The following ATAD3B variants were observed in gnomAD, a reference collection of about 807,000 sequenced individuals.
ATAD3B encodes ATPase family AAA domain containing 3B.
ATAD3B carries 59 observed loss-of-function variants against 70.2 expected under a neutral mutation model. The ratio of observed to expected loss-of-function variants is 0.84; its 90% CI spans 0.68 to 1.04. The LOEUF is 1.04. Ranked by LOEUF, ATAD3B falls within the 50% of genes least tolerant of loss-of-function variation. The pLI is 0.00. For missense variants in ATAD3B, 961 were observed against 913.4 expected, an observed-to-expected ratio of 1.05 and a Z score of -0.67; for synonymous variants, 423 against 388.6, an observed-to-expected ratio of 1.09 and a Z score of -1.04.
At chr1:1,503,542 C>A in the ATAD3B span, 1 of 1,581,636 alleles carries the variant, frequency 6.3e-7, no homozygotes, top group African/African-American at 1.3e-5. Context: ...CAGCGGCATC[C>A]GTGTATCCTA....
At position 1,489,184 on chromosome 1, in the gene ATAD3B, C is replaced by G. The variant is rs758808424; in HGVS notation, c.1267-20C>G. ...AAGGCTTTGCTTCTGGTGCCTAAGGCTGGAACCTTCTCTCTGCAGGAGGAG... is the reference window on the plus strand; with the variant it reads ...AAGGCTTTGCTTCTGGTGCCTAAGGGTGGAACCTTCTCTCTGCAGGAGGAG... On this transcript the variant is annotated intron_variant, in intron 12 of 15. Coordinates refer to ENST00000673477, the MANE Select transcript of ATAD3B (RefSeq NM_031921.6). 1.2e-6 allele frequency: 2 copies of G among 1,613,272 alleles called. No individual in the cohort carries two copies. Among genetic ancestry groups the G allele is most frequent in the South Asian group, 1.1e-5 (1 of 91,010 alleles).
chr1:1,488,457 A>T (rs1640354431), intron 12 of ATAD3B, among the ~76,000 whole-genome samples: 1 of 152,012 alleles, frequency 6.6e-6, no homozygotes, highest in South Asian at 2.1e-4. Flanking sequence ...AAACTTCTGA[A>T]CTAAAGAAAT....
rs1640190795 is a variant in ATAD3B, at chr1:1,485,989, G to T, written c.964-121G>T. On this transcript the variant is annotated intron_variant, in intron 9 of 15. Coordinates refer to ENST00000673477, the MANE Select transcript of ATAD3B (RefSeq NM_031921.6). ...GGACTGTGCCGGGGATAGATAGGCT[G>T]CCCACGAGCTGGGCGGCTTCCTGAG... is the stretch of plus-strand genomic sequence containing the variant. 11 of 1,589,732 alleles carry T rather than the reference G, an allele frequency of 6.9e-6. No individual in the cohort carries two copies. In the Admixed American group the frequency reaches 1.4e-4, roughly 20 times the overall value.
rs1306269170 is a variant in ATAD3B at position 1,489,694 on chromosome 1, C to G, written c.1337+420C>G. The G allele has an allele frequency of 3.0e-6, 4 of 1,316,176 alleles. No homozygotes were observed. In the East Asian group the frequency reaches 1.6e-4, roughly 52 times the overall value. The allele number at this position is 1,316,176 out of a possible 1,614,324, so 81.5% of individuals were successfully genotyped here. ...CTTGGTCTCCTGGGCCCCTCCAGCC[C>G]CAGTCACGTGTCACACGGAGGATCA... is the stretch of plus-strand genomic sequence containing the variant. On this transcript the variant is annotated intron_variant, in intron 13 of 15. Coordinates refer to ENST00000673477, the MANE Select transcript of ATAD3B (RefSeq NM_031921.6).
At chr1:1,476,223 G>T (rs567862484) in intron 1 of ATAD3B, among the ~76,000 whole-genome samples, 12 of 148,186 alleles carry the variant, frequency 8.1e-5, no homozygotes, top group African/African-American at 1.5e-4. Flanking sequence ...AGCCCAGTTC[G>T]TGCCTAACCA....
At chr1:1,489,025 A>G (rs1640384962) in intron 12 of ATAD3B, among the ~76,000 whole-genome samples, 179 bp from the exon 13 acceptor site, 1 of 151,658 alleles carries the variant, frequency 6.6e-6, no homozygotes, top group Non-Finnish European at 1.5e-5. Context: ...AGCCTCCCAA[A>G]ATGCTGGGTT....
chr1:1,485,546 C>G (rs1640160748), intron 8 of ATAD3B, among the ~76,000 whole-genome samples: 2 of 152,124 alleles, frequency 1.3e-5, no homozygotes, highest in Admixed American at 6.6e-5. Flanking sequence ...CTGCTCTCCA[C>G]AGGTCACTGG....
intron 12 of ATAD3B, 95 bp downstream of exon 12, chr1:1,488,009 C>T (rs1640326554): frequency 6.5e-7 from 1 of 1,536,896 alleles, no homozygotes; most frequent in Non-Finnish European, 9.0e-7. Flanking sequence ...AGCTGGCTTG[C>T]AGTGGCGCAA....
At position 1,496,131 on chromosome 1, in the gene ATAD3B, G is replaced by A. The variant is rs564210238; in HGVS notation, c.*314G>A. 9.7e-6 allele frequency: 11 copies of A among 1,129,676 alleles called. No individual in the cohort carries two copies. In the Admixed American group the frequency reaches 4.8e-4, roughly 49 times the overall value. 70.0% of individuals were successfully genotyped at this position (1,129,676 alleles called of 1,614,324 possible). A position where few individuals can be genotyped will look rare whatever the true frequency, so the allele number is the denominator to read the frequency against. Reference sequence around the variant, plus strand: ...CGGCAGGGGTGTCTGAGGCCGCCCTGTCAGCTGGCCGGTCCAAGCCTGTGG... The same window carrying A: ...CGGCAGGGGTGTCTGAGGCCGCCCTATCAGCTGGCCGGTCCAAGCCTGTGG... On this transcript the variant is annotated 3_prime_UTR_variant, in exon 16 of 16. Coordinates refer to ENST00000673477, the MANE Select transcript of ATAD3B (RefSeq NM_031921.6).
In ATAD3B at chr1:1,497,621, CT is replaced by C. The variant is rs1163176746; in HGVS notation, c.*1807del. On this transcript the variant is annotated 3_prime_UTR_variant, in exon 16 of 16. Coordinates refer to ENST00000673477, the MANE Select transcript of ATAD3B (RefSeq NM_031921.6). ...GTGGCTCACGCCTGTAATCCCAGCA[CT>C]TTGGGAGGCCAAGGCGGGTGAATCA... 6.6e-6 allele frequency: 1 copy of C among 151,892 alleles called. No individual in the cohort carries two copies. The highest frequency in any genetic ancestry group is 1.9e-4 in the East Asian group (1 of 5,184). The allele number at this position is 151,892 out of a possible 1,614,324, so 9.4% of individuals were successfully genotyped here. A position where few individuals can be genotyped will look rare whatever the true frequency, so the allele number is the denominator to read the frequency against.
At chr1:1,477,004 G>A (rs1209784849) in intron 1 of ATAD3B, among the ~76,000 whole-genome samples, 4 of 151,804 alleles carry the variant, frequency 2.6e-5, no homozygotes, top group African/African-American at 7.3e-5. Flanking sequence ...ACAGGATTTC[G>A]CCATGTTGGC....
At position 1,486,154 on chromosome 1, in the gene ATAD3B, G is replaced by T. The variant is rs2100572644; in HGVS notation, c.1008G>T (p.Arg336Ser). The T allele has an allele frequency of 6.2e-7, 1 of 1,613,274 alleles. No individual in the cohort carries two copies. Among genetic ancestry groups the T allele is most frequent in the Non-Finnish European group, 8.5e-7 (1 of 1,179,656 alleles). Residue 336 changes from arginine to serine, a missense_variant, in exon 10 of 16, where the codon AGG becomes AGT. Transcript: ENST00000673477. ...ARVRDIAIAT[R>S]NTKKNRGLYR... ...TGCGCGACATCGCCATAGCAACCAG[G>T]AACACCAAGAAGAACCGGGGCCTGT... is the stretch of plus-strand genomic sequence containing the variant.
intron 2 of ATAD3B, chr1:1,478,372 G>C: frequency 2.1e-6 from 3 of 1,448,112 alleles, no homozygotes; most frequent in Non-Finnish European, 1.8e-6. Context: ...GCCTGGAGCT[G>C]CCCAGAAACA....
In ATAD3B at chr1:1,485,717, G is replaced by A. The variant is rs560941918; in HGVS notation, c.907-65G>A. The A allele has an allele frequency of 2.0e-5, 32 of 1,603,888 alleles. No homozygotes were observed. The South Asian group carries it at 3.2e-4, about 16-fold the overall frequency. On this transcript the variant is annotated intron_variant, in intron 8 of 15. Coordinates refer to ENST00000673477, the MANE Select transcript of ATAD3B (RefSeq NM_031921.6). ...TCTGTGTGTTACCGAGCATGTGTGTGCGTTGGTGGCTGTTCCGTGGCTGTG... is the reference window on the plus strand; with the variant it reads ...TCTGTGTGTTACCGAGCATGTGTGTACGTTGGTGGCTGTTCCGTGGCTGTG...
At position 1,497,067 on chromosome 1, in the gene ATAD3B, G is replaced by C. The variant is rs1457498457; in HGVS notation, c.*1250G>C. On this transcript the variant is annotated 3_prime_UTR_variant, in exon 16 of 16. Transcript: ENST00000673477. ...TTAGGAAGGGTGTAGGCTGTTGGTT[G>C]AAGTAGGAAACAGAAGAGGAGCCTG... 2 of 150,792 alleles carry C rather than the reference G, an allele frequency of 1.3e-5. No individual in the cohort carries two copies. Among genetic ancestry groups the C allele is most frequent in the Non-Finnish European group, 3.0e-5 (2 of 67,740 alleles). 9.3% of individuals were successfully genotyped at this position (150,792 alleles called of 1,614,324 possible).
downstream of ATAD3B, among the ~76,000 whole-genome samples, chr1:1,498,989 T>G (rs1640880130): frequency 1.3e-5 from 2 of 150,998 alleles, no homozygotes; most frequent in East Asian, 2.0e-4. Context: ...TTTTTCTTTT[T>G]GAGACAGAGT....
Position 1,482,200 on chromosome 1 carries a change from G to GC in ATAD3B, c.580dup (p.Arg194ProfsTer128). On this transcript the variant is annotated frameshift_variant, in exon 6 of 16. Transcript: ENST00000673477. LOFTEE classifies it high-confidence loss of function. ...TGAGATGCTGCGAGTGGAGACCGAG[G>GC]CCCGGGCGCGCGCCAAGGCCGAGCG... 6.2e-7 allele frequency: 1 copy of GC among 1,611,070 alleles called. No individual in the cohort carries two copies. Among genetic ancestry groups the GC allele is most frequent in the Non-Finnish European group, 8.5e-7 (1 of 1,179,260 alleles).
At chr1:1,493,073 A>G (rs1349203515) in intron 15 of ATAD3B, among the ~76,000 whole-genome samples, 1 of 151,996 alleles carries the variant, frequency 6.6e-6, no homozygotes, top group Non-Finnish European at 1.5e-5. Context: ...ATCACGCCAC[A>G]GCACTCCAGT....
At position 1,471,809 on chromosome 1, in the gene ATAD3B, G is replaced by T; in HGVS notation, c.-76G>T. On this transcript the variant is annotated 5_prime_UTR_variant, in exon 1 of 16. Coordinates refer to ENST00000673477, the MANE Select transcript of ATAD3B (RefSeq NM_031921.6). ...CCTGGCCACCGGCTCGCGGCGCGTG[G>T]AGGCTGCTCCCAGCCGCGCCCGAGT... 8.1e-7 allele frequency: 1 copy of T among 1,229,034 alleles called. No homozygotes were observed. Among genetic ancestry groups the T allele is most frequent in the Non-Finnish European group, 1.0e-6 (1 of 984,062 alleles). 76.1% of individuals were successfully genotyped at this position (1,229,034 alleles called of 1,614,324 possible).
Sources: allele counts gnomAD v4.1 joint callset (sites outside exome capture counted in the v4.1 genomes callset), GRCh38; gene constraint gnomAD v4.1.1; transcripts MANE v1.5; gene names NCBI Gene and HGNC (gene_info 2026-07-23, HGNC 2026-07-21).